Variants in RNF150 observed in about 807,000 individuals in gnomAD.
The protein encoded by RNF150 is ring finger protein 150.
Under a neutral mutation model 39.3 loss-of-function variants are expected in RNF150, and 24 were observed. That is an observed-to-expected ratio of 0.61 (90% CI 0.44 to 0.86). The LOEUF is 0.86. Ranked by LOEUF, RNF150 falls within the 40% of genes least tolerant of loss-of-function variation. RNF150 has a pLI of 0.00. For synonymous variants in RNF150, 255 were observed against 227.3 expected, an observed-to-expected ratio of 1.12 and a Z score of -1.10; for missense variants, 502 against 587.8, an observed-to-expected ratio of 0.85 and a Z score of 1.51.
chr4:141,092,681 A>G (rs12649565), intron 1 of RNF150, among the ~76,000 whole-genome samples: 57,615 of 151,628 alleles, frequency 0.38, 11,970 homozygotes, highest in East Asian at 0.64. Flanking sequence ...GGTAATGCAG[A>G]GTCTTCTAAT....
At chr4:141,146,993 G>C (rs924347103) in intron 1 of RNF150, among the ~76,000 whole-genome samples, 7 of 152,124 alleles carry the variant, frequency 4.6e-5, no homozygotes, top group Non-Finnish European at 1.0e-4. Context: ...ACAGTGTCTT[G>C]CTCTGTCACC....
rs143699472 is a variant in RNF150 at position 140,884,726 on chromosome 4, CTGTG to C, written c.1199-16351_1199-16348del. The stretch of plus-strand genomic sequence containing the variant: ...CCCTGACCTGCTGCCTTGTTCCTGT[CTGTG>C]CTTAGATTTCGGGAAGACAGAAGCC... On this transcript the variant is annotated intron_variant, in intron 6 of 6. Transcript: ENST00000515673. Among the ~76,000 whole-genome samples the C allele has an allele frequency of 1.0e-3, 153 of 152,220 alleles. 1 individual carries two copies. Among genetic ancestry groups the C allele is most frequent in the African/African-American group, 3.7e-3 (152 of 41,538 alleles).
chr4:141,002,964 A>T (rs1734721697), intron 1 of RNF150, among the ~76,000 whole-genome samples: 1 of 152,198 alleles, frequency 6.6e-6, no homozygotes, highest in African/African-American at 2.4e-5. Context: ...TAGTGCCTAT[A>T]GCACTGTCTG....
rs188376704 is a variant in RNF150, at chr4:140,918,994, G to A, written c.987+6983C>T. Among the ~76,000 whole-genome samples, 1,153 of 152,124 alleles carry A rather than the reference G, an allele frequency of 7.6e-3. 13 individuals carry two copies. Among genetic ancestry groups the A allele is most frequent in the African/African-American group, 0.027 (1,102 of 41,474 alleles). On this transcript the variant is annotated intron_variant, in intron 5 of 6. Transcript: ENST00000515673. Reference sequence around the variant, plus strand: ...TTGACAAAATTCAACAACCATTCATGCTAAAAACTCTCAATAAGTTAGGTA... The same window carrying A: ...TTGACAAAATTCAACAACCATTCATACTAAAAACTCTCAATAAGTTAGGTA...
intron 1 of RNF150, among the ~76,000 whole-genome samples, chr4:140,984,492 C>T (rs9884460): frequency 0.035 from 5,284 of 152,090 alleles, 322 homozygotes; most frequent in African/African-American, 0.12. Flanking sequence ...AAGAAGGGTT[C>T]GGCAACTGAG....
chr4:141,168,709 C>A (rs975311505), intron 1 of RNF150, among the ~76,000 whole-genome samples: 6 of 152,112 alleles, frequency 3.9e-5, no homozygotes, highest in Non-Finnish European at 8.8e-5. Context: ...AAACCAAACA[C>A]CGCATGTTCT....
chr4:141,209,174 T>C (rs967357830), intron 1 of RNF150, among the ~76,000 whole-genome samples: 3 of 151,966 alleles, frequency 2.0e-5, no homozygotes, highest in African/African-American at 7.3e-5. Flanking sequence ...CAAAGGCAAA[T>C]TGCGTTTCCC....
intron 1 of RNF150, among the ~76,000 whole-genome samples, chr4:140,981,704 T>C (rs1011726884): frequency 6.6e-6 from 1 of 152,190 alleles, no homozygotes; most frequent in Non-Finnish European, 1.5e-5. Flanking sequence ...GACTTTGGTC[T>C]CCACCTGTGA....
chr4:141,184,035 G>T (rs1475936346), intron 1 of RNF150, among the ~76,000 whole-genome samples: 1 of 152,178 alleles, frequency 6.6e-6, no homozygotes, highest in African/African-American at 2.4e-5. Context: ...TAATGGGATT[G>T]CTGGGTAAAA....
At chr4:140,979,258 G>A (rs1733775257) in intron 1 of RNF150, among the ~76,000 whole-genome samples, 1 of 152,096 alleles carries the variant, frequency 6.6e-6, no homozygotes, top group Non-Finnish European at 1.5e-5. Context: ...TCTCATTAAG[G>A]AGCAGACTAG....
Position 141,132,649 on chromosome 4 carries a change from C to G in RNF150, c.160G>C (p.Asp54His), listed in dbSNP as rs1330739777. 6.2e-7 allele frequency: 1 copy of G among 1,601,026 alleles called. No individual in the cohort carries two copies. The highest frequency in any genetic ancestry group is 1.7e-5 in the Admixed American group (1 of 58,560). Residue 54 changes from aspartate to histidine, a missense_variant, in exon 1 of 7, where the codon GAC (aspartate) becomes CAC (histidine). Physicochemically the swap from Asp to His is moderately conservative, Grantham distance 81 (BLOSUM62 -1). Transcript: ENST00000515673. The surrounding 1 kb of genome is among the most constrained non-coding windows in gnomAD (Gnocchi z 4.9). ...VNITYAEPAP[D>H]PGAGAAGGGG... ...CCGCCCGCCGCCCCGGCCCCGGGGT[C>G]CGGCGCGGGCTCGGCGTAGGTGATG...
intron 1 of RNF150, among the ~76,000 whole-genome samples, chr4:141,113,036 T>C (rs910936142): frequency 1.3e-5 from 2 of 152,074 alleles, no homozygotes; most frequent in East Asian, 3.9e-4. Flanking sequence ...TACTTGAGTA[T>C]GTCTCACGAA....
At chr4:141,094,322 G>A (rs1018563516) in intron 1 of RNF150, among the ~76,000 whole-genome samples, 2 of 152,164 alleles carry the variant, frequency 1.3e-5, no homozygotes, top group African/African-American at 2.4e-5. Flanking sequence ...GAAAAAAATC[G>A]TACTTCTACC....
At chr4:141,120,433 C>G (rs545428750) in intron 1 of RNF150, among the ~76,000 whole-genome samples, 1 of 152,118 alleles carries the variant, frequency 6.6e-6, no homozygotes. Flanking sequence ...GCAATAAAAC[C>G]CCATGATTCT....
At chr4:140,943,524 T>C (rs1277954810) in intron 4 of RNF150, among the ~76,000 whole-genome samples, 1 of 152,244 alleles carries the variant, frequency 6.6e-6, no homozygotes, top group South Asian at 2.1e-4. Context: ...TTTTTTTCTG[T>C]GGAATCTTTC....
intron 1 of RNF150, among the ~76,000 whole-genome samples, chr4:141,131,665 G>C (rs1320038246): frequency 6.6e-6 from 1 of 152,128 alleles, no homozygotes; most frequent in Admixed American, 6.5e-5. Flanking sequence ...TCAGGCAAAG[G>C]ATAATGCAAT....
At chr4:141,064,280 G>C (rs1246803949) in intron 1 of RNF150, among the ~76,000 whole-genome samples, 1 of 152,180 alleles carries the variant, frequency 6.6e-6, no homozygotes, top group East Asian at 1.9e-4. Context: ...CGTGGACTCC[G>C]TAAGAAAACG....
chr4:141,079,416 T>G (rs570632225), intron 1 of RNF150, among the ~76,000 whole-genome samples: 1 of 152,364 alleles, frequency 6.6e-6, no homozygotes, highest in East Asian at 1.9e-4. Flanking sequence ...GAATATATAG[T>G]GATCAATTGG....
chr4:141,112,070 A>T (rs1039223852), intron 1 of RNF150, among the ~76,000 whole-genome samples: 3 of 152,300 alleles, frequency 2.0e-5, no homozygotes, highest in African/African-American at 7.2e-5. Context: ...ATTCTCTGAG[A>T]ACATCATCAT....
Sources: allele counts gnomAD v4.1 joint callset (sites outside exome capture counted in the v4.1 genomes callset), GRCh38; gene constraint gnomAD v4.1.1; non-coding constraint Gnocchi (gnomAD v3.1); transcripts MANE v1.5; gene names NCBI Gene and HGNC (gene_info 2026-07-23, HGNC 2026-07-21).